Variants in CEP170 observed in about 807,000 individuals in gnomAD.
CEP170 encodes the protein centrosomal protein 170, also known as centrosomal protein of 170 kDa.
A neutral mutation model predicts 151.9 loss-of-function variants in CEP170; 21 were observed. The ratio of observed to expected loss-of-function variants is 0.14; its 90% CI spans 0.10 to 0.20. The LOEUF (loss-of-function observed/expected upper bound fraction) is 0.20, where lower values mean the gene tolerates loss of function less well. Ranked by LOEUF, CEP170 falls within the 10% of genes least tolerant of loss-of-function variation. The pLI is 1.00. For synonymous variants in CEP170, 356 were observed against 648.8 expected (o/e 0.55, Z 6.86); for missense variants, 964 against 1,892.9 (o/e 0.51, Z 9.11).
chr1:243,238,488 T>C (rs1473045694), intron 1 of CEP170, among the ~76,000 whole-genome samples: 2 of 151,900 alleles, frequency 1.3e-5, no homozygotes, highest in African/African-American at 4.8e-5. Flanking sequence ...ATATATTTCA[T>C]TTAGAGAAGA....
chr1:243,156,047 A>C (rs1395804805), intron 14 of CEP170, among the ~76,000 whole-genome samples, 174 bp downstream of exon 14: 1 of 152,136 alleles, frequency 6.6e-6, no homozygotes, highest in African/African-American at 2.4e-5. Context: ...GCATAGAAAA[A>C]AAAGAAAAAA....
chr1:243,176,490 C>CTATTT (rs56097369), intron 10 of CEP170, among the ~76,000 whole-genome samples: 1 of 130,696 alleles, frequency 7.7e-6, no homozygotes, highest in South Asian at 2.8e-4. Flanking sequence ...AGATACATCT[C>CTATTT]TGTGGAGTGA....
chr1:243,155,184 C>T (rs2057436248), intron 14 of CEP170, among the ~76,000 whole-genome samples: 1 of 152,090 alleles, frequency 6.6e-6, no homozygotes, highest in African/African-American at 2.4e-5. Flanking sequence ...TTTTAAGCAG[C>T]ACGATGAGAT....
At chr1:243,234,619 A>G (rs1457309006) in intron 1 of CEP170, among the ~76,000 whole-genome samples, 4 of 152,210 alleles carry the variant, frequency 2.6e-5, no homozygotes, top group Non-Finnish European at 4.4e-5. Flanking sequence ...AAAAGATACA[A>G]TTTTAAACAA....
chr1:243,235,877 A>G (rs1392790026), intron 1 of CEP170, among the ~76,000 whole-genome samples: 3 of 152,206 alleles, frequency 2.0e-5, no homozygotes, highest in African/African-American at 7.2e-5. Flanking sequence ...AATACCTAAG[A>G]AAAAACAAGT....
chr1:243,245,134 C>CA (rs1404905450), intron 1 of CEP170, among the ~76,000 whole-genome samples: 1 of 151,934 alleles, frequency 6.6e-6, no homozygotes, highest in Non-Finnish European at 1.5e-5. Context: ...TAATGATGAA[C>CA]AAGTGAATAT....
intron 19 of CEP170, among the ~76,000 whole-genome samples, chr1:243,127,540 T>C (rs1408269528): frequency 6.6e-6 from 1 of 152,166 alleles, no homozygotes; most frequent in Non-Finnish European, 1.5e-5. Flanking sequence ...GCAAGCCACT[T>C]TTACTCATGG....
At chr1:243,132,859 A>T (rs1371770061) in intron 17 of CEP170, among the ~76,000 whole-genome samples, 1 of 152,170 alleles carries the variant, frequency 6.6e-6, no homozygotes, top group Non-Finnish European at 1.5e-5. Context: ...AGTAGGTAGG[A>T]TGAAAAAACA....
intron 13 of CEP170, chr1:243,156,747 C>A: frequency 3.8e-6 from 1 of 263,916 alleles, no homozygotes. Context: ...AACAACTAAG[C>A]AAGCTCTATC....
intron 1 of CEP170, among the ~76,000 whole-genome samples, chr1:243,252,907 T>C (rs1434919709): frequency 6.6e-6 from 1 of 152,148 alleles, no homozygotes; most frequent in African/African-American, 2.4e-5. Context: ...TTAATATATC[T>C]TAAAATGTAA....
At chr1:243,200,367 TA>T (rs1380457199) in intron 6 of CEP170, 150 bp downstream of exon 6, 1 of 663,368 alleles carries the variant, frequency 1.5e-6, no homozygotes, top group Non-Finnish European at 2.6e-6. Context: ...TAATGTTTCC[TA>T]ATGAAAGCAC....
intron 3 of CEP170, among the ~76,000 whole-genome samples, chr1:243,215,549 C>T (rs1016336807): frequency 3.3e-5 from 5 of 152,102 alleles, no homozygotes; most frequent in Non-Finnish European, 7.4e-5. Flanking sequence ...CACTCCCAGG[C>T]TTATTAGGAC....
chr1:243,206,348 G>C (rs1160532858), intron 4 of CEP170, among the ~76,000 whole-genome samples: 1 of 141,924 alleles, frequency 7.0e-6, no homozygotes, highest in Non-Finnish European at 1.5e-5. Context: ...TTGCGAGGCT[G>C]ATCTCAAACT....
chr1:243,189,510 C>G (rs576309764), intron 8 of CEP170, among the ~76,000 whole-genome samples: 7 of 147,724 alleles, frequency 4.7e-5, no homozygotes, highest in African/African-American at 1.3e-4. Flanking sequence ...GAGCCGAGAT[C>G]GCGCCACTGC....
chr1:243,211,430 T>C (rs1281610245), intron 4 of CEP170: 1 of 155,044 alleles, frequency 6.4e-6, no homozygotes, highest in African/African-American at 2.4e-5. Context: ...ATAGGCAATA[T>C]AGCTGTGATG....
intron 1 of CEP170, 24 bp from the exon 2 acceptor site, chr1:243,225,345 T>A: frequency 1.0e-6 from 1 of 966,082 alleles, no homozygotes; most frequent in East Asian, 2.9e-5. Flanking sequence ...TGAAGAAAAA[T>A]ATACGTTCAG....
intron 19 of CEP170, among the ~76,000 whole-genome samples, chr1:243,127,709 G>A (rs1166468416): frequency 6.6e-6 from 1 of 152,216 alleles, no homozygotes; most frequent in African/African-American, 2.4e-5. Context: ...GGACTTCTGG[G>A]TCAAGACATA....
chr1:243,187,637 C>A (rs1273159469), intron 8 of CEP170, among the ~76,000 whole-genome samples: 1 of 152,064 alleles, frequency 6.6e-6, no homozygotes, highest in Non-Finnish European at 1.5e-5. Flanking sequence ...AATGATCAGA[C>A]ACGAAAGACT....
chr1:243,243,534 A>AT (rs869195698), intron 1 of CEP170, among the ~76,000 whole-genome samples: 6 of 125,576 alleles, frequency 4.8e-5, no homozygotes, highest in Admixed American at 1.6e-4. Context: ...TTATTTATTT[A>AT]TTTTTTGGAG....
Sources: allele counts gnomAD v4.1 joint callset (sites outside exome capture counted in the v4.1 genomes callset), GRCh38; gene constraint gnomAD v4.1.1; transcripts MANE v1.5; gene names NCBI Gene and HGNC (gene_info 2026-07-23, HGNC 2026-07-21).